The following MICAL2 variants were observed in gnomAD, a reference collection of about 807,000 sequenced individuals.
MICAL2 encodes the protein [F-actin]-monooxygenase MICAL2.
Under a neutral mutation model 127.3 loss-of-function variants are expected in MICAL2, and 77 were observed. That is an observed-to-expected ratio of 0.60 (90% CI 0.50 to 0.73). MICAL2 has a LOEUF of 0.73. Ranked by LOEUF, MICAL2 falls within the 30% of genes least tolerant of loss-of-function variation. The pLI is 0.00. For synonymous variants in MICAL2, 570 were observed against 551.1 expected (o/e 1.03, Z -0.48); for missense variants, 1,351 against 1,434.4 (o/e 0.94, Z 0.94).
At chr11:12,292,232 T>G (rs1156899804), downstream of MICAL2, 1 of 1,614,074 alleles carries the variant, frequency 6.2e-7, no homozygotes, top group Non-Finnish European at 8.5e-7. Flanking sequence ...CCATTCATCT[T>G]CCCCACCATC....
At chr11:12,285,509 G>T (rs1453638156) in intron 2 of MICAL2, among the ~76,000 whole-genome samples, 1 of 152,202 alleles carries the variant, frequency 6.6e-6, no homozygotes, top group East Asian at 1.9e-4. Context: ...CCCAAAGTTA[G>T]TTCAGCCTAC....
In MICAL2 at chr11:12,246,119, A is replaced by G. The variant is rs117991846; in HGVS notation, c.2784+2007A>G. 5.0e-4 allele frequency among the ~76,000 whole-genome samples: 76 copies of G among 152,300 alleles called. 1 individual carries two copies. The East Asian group carries it at 0.013, about 26-fold the overall frequency. On this transcript the variant is annotated intron_variant, in intron 21 of 27. Transcript: ENST00000683283. ...GCAAGAAAAGCTCCTACACTTCCCA[A>G]ATACCCTGACTTGGTTTCCACCGGG...
intron 26 of MICAL2, chr11:12,261,239 A>T: frequency 1.0e-6 from 1 of 985,470 alleles, no homozygotes; most frequent in Non-Finnish European, 1.2e-6. Context: ...GCTGCCACAC[A>T]TATGTGGTCA....
rs1196620361 is a variant in MICAL2, at chr11:12,236,260, T to C, written c.2064+15T>C. On this transcript the variant is annotated intron_variant, in intron 16 of 27. Transcript: ENST00000683283. ...ACCTGGACGAGGTTTGTGTACACAG[T>C]GTGGCTTTAAACAGAGGCTCGTTTC... The C allele has an allele frequency of 1.9e-6, 3 of 1,613,324 alleles. No homozygotes were observed. The highest frequency in any genetic ancestry group is 2.5e-6 in the Non-Finnish European group (3 of 1,179,250).
intron 29 of MICAL2, among the ~76,000 whole-genome samples, chr11:12,298,239 A>G (rs1051496044): frequency 2.0e-5 from 3 of 151,956 alleles, no homozygotes; most frequent in African/African-American, 7.2e-5. Context: ...TTATTAATAG[A>G]TATATTAGTT....
At chr11:12,262,252 G>GCAAACTGTGTGCATC in intron 26 of MICAL2, 2 of 1,405,986 alleles carry the variant, frequency 1.4e-6, no homozygotes, top group African/African-American at 2.9e-5. Context: ...GGAGCAAGAT[G>GCAAACTGTGTGCATC]CAAACTGTGT....
chr11:12,187,668 G>A (rs931914670), intron 3 of MICAL2, among the ~76,000 whole-genome samples: 1 of 152,220 alleles, frequency 6.6e-6, no homozygotes, highest in Non-Finnish European at 1.5e-5. Flanking sequence ...GTCAGCAGCT[G>A]CTGGTGGAGG....
At chr11:12,311,961 C>T (rs1280245275) in intron 29 of MICAL2, among the ~76,000 whole-genome samples, 1 of 151,664 alleles carries the variant, frequency 6.6e-6, no homozygotes, top group Non-Finnish European at 1.5e-5. Flanking sequence ...TTTGTTTTGG[C>T]AAATTGTGTT....
At chr11:12,282,039 A>T (rs553998221) in intron 2 of MICAL2, among the ~76,000 whole-genome samples, 1 of 152,222 alleles carries the variant, frequency 6.6e-6, no homozygotes, top group Non-Finnish European at 1.5e-5. Flanking sequence ...CCTGGTGGTC[A>T]TGAGCAGAAT....
At chr11:12,323,748 C>A (rs1020432141) in intron 30 of MICAL2, among the ~76,000 whole-genome samples, 1 of 152,202 alleles carries the variant, frequency 6.6e-6, no homozygotes, top group African/African-American at 2.4e-5. Context: ...AATCCACACT[C>A]ACTTCAAGTG....
chr11:12,280,292 C>T (rs7947136), intron 1 of MICAL2, among the ~76,000 whole-genome samples: 43,173 of 151,950 alleles, frequency 0.28, 6,839 homozygotes, highest in East Asian at 0.58. Flanking sequence ...GAGTCATGCT[C>T]CGGGGCAGGT....
At chr11:12,262,325 CAG>C in intron 26 of MICAL2, 153 bp from the exon 27 acceptor site, 1 of 1,492,018 alleles carries the variant, frequency 6.7e-7, no homozygotes, top group Non-Finnish European at 8.9e-7. Flanking sequence ...CCTAAGCAAA[CAG>C]CGACTCTTTC....
At chr11:12,157,150 A>G (rs1056285424) in intron 2 of MICAL2, among the ~76,000 whole-genome samples, 2 of 152,218 alleles carry the variant, frequency 1.3e-5, no homozygotes, top group Non-Finnish European at 2.9e-5. Context: ...TTAAGTTTGT[A>G]TAAAATCCAT....
intron 32 of MICAL2, among the ~76,000 whole-genome samples, chr11:12,330,861 T>TAGAG (rs1158050371): frequency 1.5e-5 from 1 of 67,146 alleles, no homozygotes; most frequent in African/African-American, 4.5e-5. Flanking sequence ...GAGAGAGGGG[T>TAGAG]AGAGAGAGAG....
Position 12,200,862 on chromosome 11 carries a change from C to T in MICAL2, c.265-3388C>T, listed in dbSNP as rs540471185. 1.8e-4 allele frequency among the ~76,000 whole-genome samples: 27 copies of T among 152,294 alleles called. No homozygotes were observed. In the Middle Eastern group the frequency reaches 0.017, roughly 97 times the overall value. On this transcript the variant is annotated intron_variant, in intron 3 of 27. Transcript: ENST00000683283. ...CCTTGTCCAGGGAGCAGTACTGGGTCGGGCCTGGTGGACAGAAGGATGCAG... is the reference window on the plus strand; with the variant it reads ...CCTTGTCCAGGGAGCAGTACTGGGTTGGGCCTGGTGGACAGAAGGATGCAG...
chr11:12,112,244 C>G (rs1199327962), intron 1 of MICAL2, among the ~76,000 whole-genome samples: 1 of 152,170 alleles, frequency 6.6e-6, no homozygotes, highest in Admixed American at 6.5e-5. Context: ...AGCCTTCCAG[C>G]CTCTGAAAAG....
At chr11:12,296,391 G>A (rs549225952), downstream of MICAL2, among the ~76,000 whole-genome samples, 1 of 151,242 alleles carries the variant, frequency 6.6e-6, no homozygotes, top group South Asian at 2.1e-4. Context: ...TTTTCAACCA[G>A]GTTCAGGATA....
At chr11:12,299,268 G>C (rs2134800440) in intron 29 of MICAL2, among the ~76,000 whole-genome samples, 1 of 152,168 alleles carries the variant, frequency 6.6e-6, no homozygotes, top group African/African-American at 2.4e-5. Flanking sequence ...AGACCCATCA[G>C]TCTTTTTTTT....
intron 33 of MICAL2, chr11:12,354,758 T>C: frequency 6.2e-7 from 1 of 1,606,334 alleles, no homozygotes; most frequent in Non-Finnish European, 8.5e-7. Context: ...ATAGTATTCA[T>C]AAAATTTGAA....
Sources: gnomAD v4.1 joint callset for allele counts (sites outside exome capture counted in the v4.1 genomes callset) on GRCh38, gnomAD v4.1.1 for gene constraint, MANE v1.5 for transcripts, NCBI Gene and HGNC (gene_info 2026-07-23, HGNC 2026-07-21) for gene names.